The following RCL1 variants were observed in gnomAD, a reference collection of about 807,000 sequenced individuals.
The protein encoded by RCL1 is RNA 3'-terminal phosphate cyclase-like protein.
A neutral mutation model predicts 42.4 loss-of-function variants in RCL1; 24 were observed. The observed-to-expected ratio is 0.57, with a 90% CI of 0.41 to 0.80. The LOEUF (loss-of-function observed/expected upper bound fraction) is 0.80. Ranked by LOEUF, RCL1 falls within the 30% of genes least tolerant of loss-of-function variation. The pLI is 0.00. For missense variants in RCL1, 578 were observed against 467.9 expected, an observed-to-expected ratio of 1.24 and a Z score of -2.17; for synonymous variants, 228 against 177.3, an observed-to-expected ratio of 1.29 and a Z score of -2.27.
Position 4,793,853 on chromosome 9 carries a change from A to G in RCL1, c.136+626A>G, listed in dbSNP as rs556448027. On this transcript the variant is annotated intron_variant, in intron 1 of 8. Transcript: ENST00000381750. ...GCTTTGAGATAGACTTTTAACAGTC[A>G]TGGGCCTAATTGCCTTGACTTTAGA... 1.5e-4 allele frequency among the ~76,000 whole-genome samples: 23 copies of G among 152,366 alleles called. No homozygotes were observed. The South Asian group carries it at 4.6e-3, about 30-fold the overall frequency.
intron 5 of RCL1, among the ~76,000 whole-genome samples, chr9:4,835,748 G>GCCGTAAGCCTTGGTTGC (rs1817104016): frequency 6.6e-6 from 1 of 152,234 alleles, no homozygotes; most frequent in Non-Finnish European, 1.5e-5. Flanking sequence ...GAAGCATTTG[G>GCCGTAAGCCTTGGTTGC]CCGTAAGCCT....
chr9:4,850,500 T>TTTC (rs1817704009), intron 8 of RCL1: 1 of 231,386 alleles, frequency 4.3e-6, no homozygotes, highest in African/African-American at 2.3e-5. Flanking sequence ...TTTCTTTTTT[T>TTTC]TTTTTTTTTT....
chr9:4,828,384 A>G lies in RCL1; in HGVS notation c.384+1351A>G, dbSNP rs574871581. Among the ~76,000 whole-genome samples the G allele has an allele frequency of 2.6e-5, 4 of 152,286 alleles. No individual in the cohort carries two copies. The East Asian group carries it at 7.7e-4, about 29-fold the overall frequency. On this transcript the variant is annotated intron_variant, in intron 3 of 8. Coordinates refer to ENST00000381750, the MANE Select transcript of RCL1 (RefSeq NM_005772.5). ...TCATCAAGATACCTACTAGGGTATAAACATTGTTAATATGTTCTTAGGCAA... is the reference window on the plus strand; with the variant it reads ...TCATCAAGATACCTACTAGGGTATAGACATTGTTAATATGTTCTTAGGCAA...
intron 8 of RCL1, among the ~76,000 whole-genome samples, chr9:4,851,366 G>T (rs906574440): frequency 2.0e-5 from 3 of 152,198 alleles, no homozygotes; most frequent in African/African-American, 7.2e-5. Flanking sequence ...GGAAAGGGAA[G>T]CCTCCGTTCT....
chr9:4,833,371 A>C, intron 4 of RCL1, 143 bp downstream of exon 4: 1 of 667,698 alleles, frequency 1.5e-6, no homozygotes, highest in South Asian at 1.7e-5. Context: ...TCATGAAATA[A>C]ACACTACAGA....
At chr9:4,833,989 T>G in intron 4 of RCL1, 152 bp from the exon 5 acceptor site, 1 of 766,146 alleles carries the variant, frequency 1.3e-6, no homozygotes, top group Non-Finnish European at 2.0e-6. Context: ...CAACATAAGG[T>G]GCTGTTGGTC....
intron 8 of RCL1, chr9:4,850,194 G>A: frequency 2.2e-6 from 1 of 453,472 alleles, no homozygotes; most frequent in East Asian, 5.7e-5. Context: ...CTGACATTGT[G>A]TGTGTGTGTT....
chr9:4,793,124 A>G lies in RCL1; in HGVS notation c.33A>G (p.Ala11=), dbSNP rs765920813. MATQAHSLSY[A]GCNFLRQRLV... is the part of the protein sequence containing the mutation. Reference sequence around the variant, plus strand: ...CTCAGGCGCACTCCCTCAGCTACGCAGGGTGCAACTTCTTGCGCCAACGTC... The same window carrying G: ...CTCAGGCGCACTCCCTCAGCTACGCGGGGTGCAACTTCTTGCGCCAACGTC... Residue 11 remains alanine, a synonymous_variant, in exon 1 of 9, where the codon GCA becomes GCG. Coordinates refer to ENST00000381750, the MANE Select transcript of RCL1 (RefSeq NM_005772.5). 5 of 1,610,982 alleles carry G rather than the reference A, an allele frequency of 3.1e-6. No homozygotes were observed. The East Asian group carries it at 9.0e-5, about 29-fold the overall frequency.
At chr9:4,834,395 C>G in intron 5 of RCL1, 130 bp downstream of exon 5, 2 of 975,760 alleles carry the variant, frequency 2.0e-6, no homozygotes, top group Admixed American at 6.1e-5. Context: ...AAAGTCTTAA[C>G]AGTGAAATTG....
chr9:4,851,883 C>CCCTTTT (rs1817762303), intron 8 of RCL1, among the ~76,000 whole-genome samples: 1 of 29,722 alleles, frequency 3.4e-5, no homozygotes, highest in African/African-American at 1.4e-4. Context: ...ATGTGTGAAA[C>CCCTTTT]TCTTTTTTTT....
chr9:4,824,079 T>A (rs1241625904), intron 2 of RCL1, among the ~76,000 whole-genome samples: 2 of 152,218 alleles, frequency 1.3e-5, no homozygotes, highest in Non-Finnish European at 1.5e-5. Flanking sequence ...AATAAATATT[T>A]TATACATAAT....
intron 7 of RCL1, among the ~76,000 whole-genome samples, chr9:4,846,431 G>A (rs973607003): frequency 6.6e-6 from 1 of 152,176 alleles, no homozygotes; most frequent in Non-Finnish European, 1.5e-5. Flanking sequence ...ATGTTTTGGT[G>A]CTAAATCAGT....
At chr9:4,795,337 C>T (rs951647479) in intron 1 of RCL1, among the ~76,000 whole-genome samples, 1 of 152,198 alleles carries the variant, frequency 6.6e-6, no homozygotes, top group Non-Finnish European at 1.5e-5. Context: ...CCTGCCTTGG[C>T]CTCCCAGAGT....
At chr9:4,837,576 T>C (rs1230225674) in intron 5 of RCL1, among the ~76,000 whole-genome samples, 1 of 152,146 alleles carries the variant, frequency 6.6e-6, no homozygotes, top group Non-Finnish European at 1.5e-5. Flanking sequence ...TTTGACACAA[T>C]CTTGTCATAA....
At chr9:4,843,951 G>C (rs1000593020) in intron 6 of RCL1, among the ~76,000 whole-genome samples, 1 of 152,118 alleles carries the variant, frequency 6.6e-6, no homozygotes, top group African/African-American at 2.4e-5. Context: ...TGATGAAATG[G>C]GTAACTCACT....
intron 1 of RCL1, among the ~76,000 whole-genome samples, chr9:4,807,780 A>C (rs1816032321): frequency 6.6e-6 from 1 of 152,202 alleles, no homozygotes; most frequent in African/African-American, 2.4e-5. Flanking sequence ...GAGCCTCCCA[A>C]AATGCTGGGA....
intron 1 of RCL1, among the ~76,000 whole-genome samples, chr9:4,818,222 A>G (rs1424953721): frequency 1.3e-5 from 2 of 151,982 alleles, no homozygotes; most frequent in African/African-American, 4.8e-5. Flanking sequence ...CGCCCGGCCC[A>G]GTTGCTAAGA....
intron 1 of RCL1, 49 bp downstream of exon 1, chr9:4,793,276 G>A (rs1397708720): frequency 3.9e-6 from 6 of 1,537,240 alleles, no homozygotes; most frequent in African/African-American, 1.4e-5. Context: ...GCTGAGGGGA[G>A]ACCGAGCTGA....
At chr9:4,829,370 C>T (rs867442182) in intron 3 of RCL1, among the ~76,000 whole-genome samples, 1 of 152,248 alleles carries the variant, frequency 6.6e-6, no homozygotes, top group Middle Eastern at 3.4e-3. Flanking sequence ...CCATAGATGA[C>T]TTCATGATTT....
Sources: allele counts gnomAD v4.1 joint callset (sites outside exome capture counted in the v4.1 genomes callset), GRCh38; gene constraint gnomAD v4.1.1; transcripts MANE v1.5; gene names NCBI Gene and HGNC (gene_info 2026-07-23, HGNC 2026-07-21).